Variants in CLPTM1 observed in about 807,000 individuals in gnomAD.
CLPTM1 encodes the protein putative lipid scramblase CLPTM1.
Under a neutral mutation model 77.3 loss-of-function variants are expected in CLPTM1, and 21 were observed. The observed-to-expected ratio is 0.27, with a 90% CI of 0.19 to 0.39. The LOEUF (loss-of-function observed/expected upper bound fraction) is 0.39. Ranked by LOEUF, CLPTM1 falls within the 10% of genes least tolerant of loss-of-function variation. The probability of loss-of-function intolerance (pLI) is 1.00; values close to 1 mark genes in which losing one functional copy is unlikely to be tolerated. For synonymous variants in CLPTM1, 373 were observed against 381.0 expected (o/e 0.98, Z 0.24); for missense variants, 642 against 921.2 (o/e 0.70, Z 3.92).
At chr19:44,961,221 A>G (rs1461589917) in intron 1 of CLPTM1, among the ~76,000 whole-genome samples, 1 of 152,192 alleles carries the variant, frequency 6.6e-6, no homozygotes, top group Non-Finnish European at 1.5e-5. Context: ...TGTCACAGAC[A>G]TGTCTTGTGG....
chr19:44,985,951 G>T (rs3745156), intron 6 of CLPTM1, among the ~76,000 whole-genome samples: 1 of 152,178 alleles, frequency 6.6e-6, no homozygotes, highest in South Asian at 2.1e-4. Context: ...CTACATGTGG[G>T]GTGGGAGGAT....
rs774530783 is a variant in CLPTM1 at position 44,993,282 on chromosome 19, C to T, written c.*385C>T. On this transcript the variant is annotated 3_prime_UTR_variant, in exon 14 of 14. Coordinates refer to ENST00000337392, the MANE Select transcript of CLPTM1 (RefSeq NM_001294.4). ...CCCTACCACACTCCCCCTCCTAGAC[C>T]GCCGCCCTTTAACACAGTCTGGATT... The T allele has an allele frequency of 6.1e-5, 27 of 446,226 alleles. No individual in the cohort carries two copies. The highest frequency in any genetic ancestry group is 1.1e-4 in the Non-Finnish European group (25 of 229,506). The allele number at this position is 446,226 out of a possible 1,614,324, so 27.6% of individuals were successfully genotyped here.
intron 4 of CLPTM1, among the ~76,000 whole-genome samples, chr19:44,975,257 T>A (rs1970787914): frequency 6.6e-6 from 1 of 152,214 alleles, no homozygotes; most frequent in Admixed American, 6.5e-5. Flanking sequence ...CCCAGCCCAT[T>A]CTGGGGCCTC....
intron 1 of CLPTM1, among the ~76,000 whole-genome samples, chr19:44,959,776 T>C (rs1175121528): frequency 1.3e-5 from 2 of 152,156 alleles, no homozygotes; most frequent in South Asian, 2.1e-4. Context: ...ACTTTTACTT[T>C]CCCCCCTAGC....
At chr19:44,964,246 C>T (rs1235383396) in intron 2 of CLPTM1, among the ~76,000 whole-genome samples, 1 of 146,582 alleles carries the variant, frequency 6.8e-6, no homozygotes, top group Non-Finnish European at 1.5e-5. Context: ...ATTCAGCCCA[C>T]ATCTGCACAT....
intron 5 of CLPTM1, chr19:44,984,237 G>C (rs1223844186): frequency 1.3e-5 from 2 of 152,198 alleles, no homozygotes; most frequent in Non-Finnish European, 2.9e-5. Flanking sequence ...GGTCATCACC[G>C]AGCCTGTGCA....
chr19:44,992,935 C>G lies in CLPTM1; in HGVS notation c.*38C>G. On this transcript the variant is annotated 3_prime_UTR_variant, in exon 14 of 14. Coordinates refer to ENST00000337392, the MANE Select transcript of CLPTM1 (RefSeq NM_001294.4). The surrounding 1 kb of genome is among the most constrained non-coding windows in gnomAD (Gnocchi z 7.7). ...CTCACCTGCTCCGGCTCCTGGCGAC[C>G]ACTACCCCTGCGTCCCGGCCCCCTC... 1 of 1,599,960 alleles carries G rather than the reference C, an allele frequency of 6.3e-7. No homozygotes were observed. Among genetic ancestry groups the G allele is most frequent in the Non-Finnish European group, 8.5e-7 (1 of 1,174,368 alleles).
At position 44,955,420 on chromosome 19, in the gene CLPTM1, G is replaced by C. The variant is rs1568638018; in HGVS notation, c.25G>C (p.Gly9Arg). 3.7e-6 allele frequency: 5 copies of C among 1,336,512 alleles called. No homozygotes were observed. Among genetic ancestry groups the C allele is most frequent in the Non-Finnish European group, 4.8e-6 (5 of 1,043,214 alleles). 82.8% of individuals were successfully genotyped at this position (1,336,512 alleles called of 1,614,324 possible). A position where few individuals can be genotyped will look rare whatever the true frequency, so the allele number is the denominator to read the frequency against. The change falls in exon 1 of 14, where the codon GGG becomes CGG. Residue 9 changes from glycine (G) to arginine (R), a missense_variant. This residue lies in a region of CLPTM1 where 121 missense variants were observed against 120.8 expected (regional missense o/e 1.00). Coordinates refer to ENST00000337392, the MANE Select transcript of CLPTM1 (RefSeq NM_001294.4). ...GATGGCGGCGGCGCAGGAGGCGGACGGGGCCCGCAGCGCCGTGGTGGCGGC... is the reference window on the plus strand; with the variant it reads ...GATGGCGGCGGCGCAGGAGGCGGACCGGGCCCGCAGCGCCGTGGTGGCGGC... The part of the protein sequence containing the change: MAAAQEAD[G>R]ARSAVVAAGG...
intron 5 of CLPTM1, among the ~76,000 whole-genome samples, chr19:44,984,031 C>T (rs1398305458): frequency 6.6e-6 from 1 of 152,246 alleles, no homozygotes; most frequent in Non-Finnish European, 1.5e-5. Context: ...ACGCACAAGC[C>T]CCTTCCTCCC....
In CLPTM1 at chr19:44,960,815, T is replaced by G. The variant is rs1433807160; in HGVS notation, c.73-1148T>G. ...GGCCACACAGGTGTTTATCACAGCC[T>G]TGCTCTGTGCCACTGGTGCTCTTGA... is the stretch of plus-strand genomic sequence containing the variant. On this transcript the variant is annotated intron_variant, in intron 1 of 13. Transcript: ENST00000337392. Among the ~76,000 whole-genome samples the G allele has an allele frequency of 2.0e-5, 3 of 152,214 alleles. No homozygotes were observed. In the East Asian group the frequency reaches 5.8e-4, roughly 29 times the overall value.
Position 44,990,672 on chromosome 19 carries a change from G to C in CLPTM1, c.1323+87G>C, listed in dbSNP as rs563352351. 4.0e-6 allele frequency: 6 copies of C among 1,484,046 alleles called. No homozygotes were observed. The African/African-American group carries it at 5.5e-5, about 14-fold the overall frequency. The allele number at this position is 1,484,046 out of a possible 1,614,324, so 91.9% of individuals were successfully genotyped here. A position where few individuals can be genotyped will look rare whatever the true frequency, so the allele number is the denominator to read the frequency against. ...CAGCTGGACCCTGGAGCTGGCCCCC[G>C]GGGGATTCCCAGCAAGTGCCTCACT... is the stretch of plus-strand genomic sequence containing the variant. On this transcript the variant is annotated intron_variant, in intron 10 of 13. Coordinates refer to ENST00000337392, the MANE Select transcript of CLPTM1 (RefSeq NM_001294.4). This position sits in a 1 kb window ranked among gnomAD's most constrained non-coding sequence, Gnocchi z 4.8.
chr19:44,973,136 C>A lies in CLPTM1; in HGVS notation c.235C>A (p.Pro79Thr). 1 of 1,614,072 alleles carries A rather than the reference C, an allele frequency of 6.2e-7. No individual in the cohort carries two copies. The highest frequency in any genetic ancestry group is 8.5e-7 in the Non-Finnish European group (1 of 1,179,966). The change falls in exon 3 of 14, where the codon CCT (proline) becomes ACT (threonine). Residue 79 changes from proline (P) to threonine (T), a missense_variant. Around this residue, in one of 2 missense-constraint regions of CLPTM1, gnomAD observed 121 missense variants for 120.8 expected, o/e 1.00. Transcript: ENST00000337392. ...ISSWFRRGPA[P>T]QDQAGPGGAP... ...CAGTTGGTTCCGCCGAGGGCCGGCC[C>A]CTCAGGACCAGGCGGGCCCCGGAGG...
chr19:44,990,305 G>T lies in CLPTM1; in HGVS notation c.1133-90G>T. 7.2e-7 allele frequency: 1 copy of T among 1,381,600 alleles called. No homozygotes were observed. Among genetic ancestry groups the T allele is most frequent in the Non-Finnish European group, 1.0e-6 (1 of 997,154 alleles). The allele number at this position is 1,381,600 out of a possible 1,614,324, so 85.6% of individuals were successfully genotyped here. A position where few individuals can be genotyped will look rare whatever the true frequency, so the allele number is the denominator to read the frequency against. On this transcript the variant is annotated intron_variant, in intron 9 of 13. Transcript: ENST00000337392. This position sits in a 1 kb window ranked among gnomAD's most constrained non-coding sequence, Gnocchi z 4.8. ...AGGACCCAGCCCCACCCCAGGGTGT[G>T]AGGATGCAGGCCAAGGGGGCCTGAG...
At chr19:44,961,821 A>C (rs1237333660) in intron 1 of CLPTM1, 142 bp from the exon 2 acceptor site, 1 of 507,278 alleles carries the variant, frequency 2.0e-6, no homozygotes, top group African/African-American at 2.0e-5. Flanking sequence ...GCACCTTCCC[A>C]GGTGTTTTCA....
chr19:44,970,466 C>T (rs1474266734), intron 2 of CLPTM1, among the ~76,000 whole-genome samples: 1 of 31,988 alleles, frequency 3.1e-5, no homozygotes, highest in Non-Finnish European at 1.1e-4. Context: ...GTGGCATGAT[C>T]GTGGTTCACT....
At chr19:44,961,877 C>A in intron 1 of CLPTM1, 86 bp from the exon 2 acceptor site, 1 of 801,098 alleles carries the variant, frequency 1.2e-6, no homozygotes, top group South Asian at 2.0e-5. Context: ...CTTTGCCCAG[C>A]CTGTGCCTGG....
At chr19:44,969,295 A>G (rs1330426884) in intron 2 of CLPTM1, among the ~76,000 whole-genome samples, 1 of 152,174 alleles carries the variant, frequency 6.6e-6, no homozygotes. Flanking sequence ...GAAGTTGACC[A>G]CTGAGGTCAC....
chr19:44,981,319 A>C (rs1371892947), intron 5 of CLPTM1, among the ~76,000 whole-genome samples: 1 of 150,938 alleles, frequency 6.6e-6, no homozygotes, highest in African/African-American at 2.4e-5. Flanking sequence ...TTTTGTATTT[A>C]TAGTAGAGAT....
chr19:44,955,376 C>CGGGGGGGGCGGGGGGGGG, upstream of CLPTM1: 1 of 631,176 alleles, frequency 1.6e-6, no homozygotes, highest in Non-Finnish European at 2.0e-6. Context: ...GCGGCGGGGG[C>CGGGGGGGGCGGGGGGGGG]GGGGACCCGG....
Sources: gnomAD v4.1 joint callset for allele counts (sites outside exome capture counted in the v4.1 genomes callset) on GRCh38, gnomAD v4.1.1 for gene constraint, gnomAD v4.1.1 regional missense constraint, Gnocchi (gnomAD v3.1) non-coding constraint, MANE v1.5 for transcripts, NCBI Gene and HGNC (gene_info 2026-07-23, HGNC 2026-07-21) for gene names.